Variants in RALGDS observed in about 807,000 individuals in gnomAD.
RALGDS encodes ral guanine nucleotide dissociation stimulator.
RALGDS carries 44 observed loss-of-function variants against 99.8 expected under a neutral mutation model. The ratio of observed to expected loss-of-function variants is 0.44; its 90% CI spans 0.35 to 0.57. The LOEUF (loss-of-function observed/expected upper bound fraction) is 0.57, where lower values mean the gene tolerates loss of function less well. Among genes scored for constraint, RALGDS ranks in the 20% least tolerant of loss-of-function variants. RALGDS has a pLI of 0.01. For synonymous variants in RALGDS, 529 were observed against 505.0 expected (o/e 1.05, Z -0.64); for missense variants, 1,022 against 1,203.1 (o/e 0.85, Z 2.23).
intron 1 of RALGDS, chr9:133,129,205 G>A: frequency 6.3e-7 from 1 of 1,597,340 alleles, no homozygotes; most frequent in Non-Finnish European, 8.5e-7. Context: ...CGGCACGACG[G>A]GCGACGGCCC....
chr9:133,119,731 T>C (rs145694564), intron 1 of RALGDS, among the ~76,000 whole-genome samples: 2 of 149,582 alleles, frequency 1.3e-5, no homozygotes, highest in African/African-American at 2.5e-5. Context: ...GAGCCCTGGA[T>C]AGATGAGGGT....
intron 1 of RALGDS, among the ~76,000 whole-genome samples, chr9:133,112,921 T>A (rs779047500): frequency 1.3e-5 from 2 of 152,262 alleles, no homozygotes; most frequent in Non-Finnish European, 2.9e-5. Flanking sequence ...TCCAGGCAGA[T>A]GCTGGGGTTC....
intron 1 of RALGDS, 51 bp downstream of exon 1, chr9:133,120,921 G>A: frequency 2.1e-6 from 3 of 1,449,434 alleles, no homozygotes; most frequent in African/African-American, 1.5e-5. Flanking sequence ...GCTCTGCCGC[G>A]GGTGGGGAGG....
chr9:133,129,088 G>GTCCCCC, intron 1 of RALGDS: 1 of 1,512,356 alleles, frequency 6.6e-7, no homozygotes. Flanking sequence ...GCTCGGCGGT[G>GTCCCCC]ACCCACCCAG....
intron 9 of RALGDS, among the ~76,000 whole-genome samples, chr9:133,105,042 T>TGC (rs1344630947): frequency 1.3e-5 from 2 of 152,152 alleles, no homozygotes; most frequent in African/African-American, 2.4e-5. Context: ...CCAGAGGCTC[T>TGC]GCCCCATCTG....
At position 133,098,377 on chromosome 9, in the gene RALGDS, G is replaced by A; in HGVS notation, c.*210C>T. The A allele has an allele frequency of 1.7e-6, 1 of 600,310 alleles. No homozygotes were observed. The highest frequency in any genetic ancestry group is 2.8e-5 in the East Asian group (1 of 35,488). 37.2% of individuals were successfully genotyped at this position (600,310 alleles called of 1,614,324 possible). On this transcript the variant is annotated 3_prime_UTR_variant, in exon 18 of 18. Transcript: ENST00000372050. ...GCTAGTCCTCTGGTTCCAGAGAGCA[G>A]AAGGCACCTAAGGCAGCGAGTGGTC...
At chr9:133,098,945 G>A in intron 17 of RALGDS, 183 bp from the exon 18 acceptor site, 1 of 622,060 alleles carries the variant, frequency 1.6e-6, no homozygotes, top group Non-Finnish European at 2.8e-6. Context: ...CTCTGCTGAG[G>A]TCCTCACAAA....
chr9:133,139,558 C>G (rs1470969883), intron 1 of RALGDS, among the ~76,000 whole-genome samples: 1 of 152,230 alleles, frequency 6.6e-6, no homozygotes, highest in Non-Finnish European at 1.5e-5. Flanking sequence ...AACTGGGCAG[C>G]AGGGCCTGGA....
intron 1 of RALGDS, among the ~76,000 whole-genome samples, chr9:133,143,780 C>CAA (rs1164824243): frequency 1.9e-5 from 2 of 103,770 alleles, no homozygotes; most frequent in African/African-American, 1.0e-4. Flanking sequence ...ATAACAACAA[C>CAA]AACAACAATA....
At chr9:133,118,554 AT>A (rs1269839763) in intron 1 of RALGDS, among the ~76,000 whole-genome samples, 1 of 148,808 alleles carries the variant, frequency 6.7e-6, no homozygotes, top group Non-Finnish European at 1.5e-5. Context: ...GATGATGCAA[AT>A]TACTTAGCCA....
chr9:133,137,005 C>T (rs539239570), intron 1 of RALGDS, among the ~76,000 whole-genome samples: 15 of 152,090 alleles, frequency 9.9e-5, no homozygotes, highest in Non-Finnish European at 1.6e-4. Context: ...GAGGCCGAGG[C>T]GGGCGGATCA....
At chr9:133,109,586 G>A (rs768344105) in intron 4 of RALGDS, 40 bp downstream of exon 4, 2 of 1,547,896 alleles carry the variant, frequency 1.3e-6, no homozygotes, top group East Asian at 4.5e-5. Context: ...ACTGTTCGGT[G>A]GGGACAGGGT....
intron 1 of RALGDS, among the ~76,000 whole-genome samples, chr9:133,112,978 T>A (rs1453994867): frequency 6.6e-6 from 1 of 152,166 alleles, no homozygotes; most frequent in African/African-American, 2.4e-5. Context: ...GAAGGGGGCA[T>A]CTGGCCCCAG....
rs1464891230 is a variant in RALGDS, at chr9:133,098,010, T to A, written c.*577A>T. 5 of 251,168 alleles carry A rather than the reference T, an allele frequency of 2.0e-5. No individual in the cohort carries two copies. Among genetic ancestry groups the A allele is most frequent in the Non-Finnish European group, 3.9e-5 (5 of 128,496 alleles). The allele number at this position is 251,168 out of a possible 1,614,324, so 15.6% of individuals were successfully genotyped here. A position where few individuals can be genotyped will look rare whatever the true frequency, so the allele number is the denominator to read the frequency against. ...GTCCTCACTCACCGGGTGCAGAGTC[T>A]GGTCCATGAAGAGGGTTTCTCTCTC... is the stretch of plus-strand genomic sequence containing the variant. On this transcript the variant is annotated 3_prime_UTR_variant, in exon 18 of 18. Coordinates refer to ENST00000372050, the MANE Select transcript of RALGDS (RefSeq NM_006266.4).
intron 16 of RALGDS, 151 bp downstream of exon 16, chr9:133,101,369 T>A: frequency 6.5e-7 from 1 of 1,539,362 alleles, no homozygotes; most frequent in Non-Finnish European, 8.9e-7. Context: ...TTGTCCCTGA[T>A]CACTACCTTC....
Position 133,108,173 on chromosome 9 carries a change from C to G in RALGDS, c.1012G>C (p.Ala338Pro), listed in dbSNP as rs758551104. The G allele has an allele frequency of 6.2e-7, 1 of 1,613,442 alleles. No homozygotes were observed. Among genetic ancestry groups the G allele is most frequent in the East Asian group, 2.2e-5 (1 of 44,892 alleles). ...GAGGGAGCTGGATCCTGTTCTGGAGCTGGCTCTAGTTCCAGAGCTGGCGCT... is the reference window on the plus strand; with the variant it reads ...GAGGGAGCTGGATCCTGTTCTGGAGGTGGCTCTAGTTCCAGAGCTGGCGCT... ...APAPALELEP[A>P]PEQDPAPSQT... Residue 338 changes from alanine (A) to proline (P), a missense_variant, in exon 6 of 18, where the codon GCT (alanine) becomes CCT (proline). By Grantham distance (27) the Ala-to-Pro change is conservative (BLOSUM62 -1). Coordinates refer to ENST00000372050, the MANE Select transcript of RALGDS (RefSeq NM_006266.4).
At chr9:133,148,955 G>A in intron 1 of RALGDS, 3 of 1,601,782 alleles carry the variant, frequency 1.9e-6, no homozygotes, top group Non-Finnish European at 2.6e-6. Context: ...GGGACGGCGC[G>A]CACTCACCTG....
intron 8 of RALGDS, 58 bp downstream of exon 8, chr9:133,106,587 A>G: frequency 3.7e-6 from 5 of 1,343,066 alleles, no homozygotes; most frequent in Non-Finnish European, 5.2e-6. Flanking sequence ...TAAGGGGGTG[A>G]TGCCAGCCCT....
rs1830594664 is a variant in RALGDS, at chr9:133,098,381, G to C, written c.*206C>G. On this transcript the variant is annotated 3_prime_UTR_variant, in exon 18 of 18. Transcript: ENST00000372050. Reference sequence around the variant, plus strand: ...GTCCTCTGGTTCCAGAGAGCAGAAGGCACCTAAGGCAGCGAGTGGTCCACG... The same window carrying C: ...GTCCTCTGGTTCCAGAGAGCAGAAGCCACCTAAGGCAGCGAGTGGTCCACG... 2 of 602,638 alleles carry C rather than the reference G, an allele frequency of 3.3e-6. No individual in the cohort carries two copies. Among genetic ancestry groups the C allele is most frequent in the Admixed American group, 5.7e-5 (2 of 34,848 alleles). 37.3% of individuals were successfully genotyped at this position (602,638 alleles called of 1,614,324 possible). A position where few individuals can be genotyped will look rare whatever the true frequency, so the allele number is the denominator to read the frequency against.
Sources: gnomAD v4.1 joint callset for allele counts (sites outside exome capture counted in the v4.1 genomes callset) on GRCh38, gnomAD v4.1.1 for gene constraint, MANE v1.5 for transcripts, NCBI Gene and HGNC (gene_info 2026-07-23, HGNC 2026-07-21) for gene names.